Variants in JMJD1C observed in about 807,000 individuals in gnomAD.
The protein encoded by JMJD1C is jumonji domain containing 1C.
In JMJD1C, 31 loss-of-function variants were observed where a neutral mutation model predicts 245.3. The ratio of observed to expected loss-of-function variants is 0.13; its 90% CI spans 0.09 to 0.17. JMJD1C has a LOEUF of 0.17. JMJD1C is among the 10% of genes least tolerant of loss of function. The pLI, the probability that JMJD1C is intolerant of heterozygous loss-of-function variation, is 1.00. For synonymous variants in JMJD1C, 1,057 were observed against 1,017.4 expected (o/e 1.04, Z -0.74); for missense variants, 2,691 against 3,000.2 (o/e 0.90, Z 2.41).
intron 1 of JMJD1C, among the ~76,000 whole-genome samples, chr10:63,381,488 C>T (rs1375183113): frequency 1.3e-5 from 2 of 152,234 alleles, no homozygotes; most frequent in East Asian, 1.9e-4. Flanking sequence ...GCTATGATCG[C>T]ACCACTGCAC....
In JMJD1C at chr10:63,431,795, C is replaced by T. The variant is rs991986377; in HGVS notation, c.168+33700G>A. ...TTGGGAGGCCGAGGCGGGCGGATCA[C>T]GAGGTCCAGAGATAGAGACCACCCT... On this transcript the variant is annotated intron_variant, in intron 1 of 25. Transcript: ENST00000399262. Among the ~76,000 whole-genome samples, 7 of 152,258 alleles carry T rather than the reference C, an allele frequency of 4.6e-5. No homozygotes were observed. In the South Asian group the frequency reaches 8.3e-4, roughly 18 times the overall value.
At chr10:63,369,599 C>G (rs891066125) in intron 2 of JMJD1C, among the ~76,000 whole-genome samples, 3 of 152,144 alleles carry the variant, frequency 2.0e-5, no homozygotes, top group African/African-American at 7.2e-5. Flanking sequence ...TAAATGTACA[C>G]CTATTCAACA....
chr10:63,242,405 C>T (rs999585555), intron 3 of JMJD1C, among the ~76,000 whole-genome samples: 3 of 152,042 alleles, frequency 2.0e-5, no homozygotes, highest in African/African-American at 2.4e-5. Flanking sequence ...CTACCAATAA[C>T]GGACACAGCA....
chr10:63,258,824 G>C (rs1478350619), intron 3 of JMJD1C, among the ~76,000 whole-genome samples: 1 of 150,302 alleles, frequency 6.7e-6, no homozygotes, highest in Non-Finnish European at 1.5e-5. Flanking sequence ...TTACTTACAA[G>C]ACTTTTATCA....
intron 1 of JMJD1C, among the ~76,000 whole-genome samples, chr10:63,460,016 T>C (rs1952674486): frequency 6.6e-6 from 1 of 152,196 alleles, no homozygotes; most frequent in Non-Finnish European, 1.5e-5. Context: ...TCCAGACTCA[T>C]ACCCACACAA....
chr10:63,433,338 C>T (rs540924123), intron 1 of JMJD1C, among the ~76,000 whole-genome samples: 2 of 152,196 alleles, frequency 1.3e-5, no homozygotes, highest in Admixed American at 6.5e-5. Context: ...TCAGGTGATC[C>T]GCTCGCCTTG....
intron 1 of JMJD1C, among the ~76,000 whole-genome samples, chr10:63,422,741 A>G (rs1950196118): frequency 6.6e-6 from 1 of 152,230 alleles, no homozygotes; most frequent in South Asian, 2.1e-4. Context: ...GGAAAGTTTA[A>G]ATCATGGGCA....
chr10:63,425,973 CATAAGTTTAAAA>C (rs1564907428), intron 1 of JMJD1C, among the ~76,000 whole-genome samples: 1 of 152,166 alleles, frequency 6.6e-6, no homozygotes. Flanking sequence ...CATACACAGG[CATAAGTTTAAAA>C]ACAAATTTTA....
intron 1 of JMJD1C, among the ~76,000 whole-genome samples, chr10:63,504,243 A>G (rs1326595032): frequency 6.6e-6 from 1 of 152,212 alleles, no homozygotes; most frequent in African/African-American, 2.4e-5. Context: ...AACAGGGCAG[A>G]CAACATTCCT....
At chr10:63,376,859 A>G (rs1395603539) in intron 2 of JMJD1C, among the ~76,000 whole-genome samples, 1 of 152,216 alleles carries the variant, frequency 6.6e-6, no homozygotes. Context: ...GGAAAACAGT[A>G]TGAAAGTGCC....
chr10:63,184,383 T>C (rs113662753), intron 21 of JMJD1C, among the ~76,000 whole-genome samples: 10 of 151,896 alleles, frequency 6.6e-5, no homozygotes, highest in Admixed American at 1.3e-4. Context: ...GCTGGGACTA[T>C]AGGCGCACGC....
chr10:63,280,683 A>T (rs1271259945), intron 2 of JMJD1C, among the ~76,000 whole-genome samples: 1 of 152,224 alleles, frequency 6.6e-6, no homozygotes, highest in Non-Finnish European at 1.5e-5. Context: ...TATCTTGTTC[A>T]ATCTACTTAG....
intron 8 of JMJD1C, 26 bp downstream of exon 8, chr10:63,213,447 A>G (rs1164146657): frequency 7.5e-7 from 1 of 1,335,712 alleles, no homozygotes; most frequent in South Asian, 1.3e-5. Context: ...ATATACTGCT[A>G]TGTGGCAAAC....
intron 1 of JMJD1C, among the ~76,000 whole-genome samples, chr10:63,519,183 A>G (rs1270120931): frequency 6.6e-6 from 1 of 152,244 alleles, no homozygotes; most frequent in Non-Finnish European, 1.5e-5. Flanking sequence ...AAGAGGCAGA[A>G]GATATAATAA....
intron 2 of JMJD1C, among the ~76,000 whole-genome samples, chr10:63,271,156 T>C (rs1408817519): frequency 6.6e-6 from 1 of 152,096 alleles, no homozygotes; most frequent in Non-Finnish European, 1.5e-5. Context: ...TAAAAAGATG[T>C]ATGTAAATAG....
chr10:63,361,757 T>C (rs532331683), intron 2 of JMJD1C, among the ~76,000 whole-genome samples: 115 of 125,030 alleles, frequency 9.2e-4, no homozygotes, highest in African/African-American at 3.6e-3. Context: ...AGAAAAAGAA[T>C]ATCCTACTCC....
chr10:63,352,204 C>T (rs556822006), intron 2 of JMJD1C, among the ~76,000 whole-genome samples: 11 of 152,078 alleles, frequency 7.2e-5, no homozygotes, highest in African/African-American at 2.4e-4. Context: ...TTTAGAAATA[C>T]GTTTAGAAAC....
At chr10:63,448,892 G>A (rs72837033) in intron 1 of JMJD1C, among the ~76,000 whole-genome samples, 36,372 of 152,028 alleles carry the variant, frequency 0.24, 5,361 homozygotes, top group Non-Finnish European at 0.32. Flanking sequence ...AGAGGTGGGC[G>A]AATCACCTGA....
chr10:63,300,485 A>G (rs1160619009), intron 2 of JMJD1C, among the ~76,000 whole-genome samples: 2 of 152,218 alleles, frequency 1.3e-5, no homozygotes, highest in African/African-American at 2.4e-5. Flanking sequence ...GAATTTTTTT[A>G]TTCGAACCAT....
Sources: allele counts gnomAD v4.1 joint callset (sites outside exome capture counted in the v4.1 genomes callset), GRCh38; gene constraint gnomAD v4.1.1; transcripts MANE v1.5; gene names NCBI Gene and HGNC (gene_info 2026-07-23, HGNC 2026-07-21).